SLC15A3: variants seen among roughly 807,000 people sequenced by gnomAD.
SLC15A3 encodes osteoclast transporter.
A neutral mutation model predicts 49.2 loss-of-function variants in SLC15A3; 39 were observed. The ratio of observed to expected loss-of-function variants is 0.79; its 90% CI spans 0.61 to 1.04. The LOEUF is 1.04. Ranked by LOEUF, SLC15A3 falls within the 50% of genes least tolerant of loss-of-function variation. The pLI, the probability that SLC15A3 is intolerant of heterozygous loss-of-function variation, is 0.00. For missense variants in SLC15A3, 758 were observed against 794.8 expected (o/e 0.95, Z 0.56); for synonymous variants, 339 against 367.0 (o/e 0.92, Z 0.87).
rs1590637804 is a variant in SLC15A3, at chr11:60,942,100, T to G, written c.1042A>C (p.Asn348His). 6.2e-7 allele frequency: 1 copy of G among 1,614,078 alleles called. No individual in the cohort carries two copies. Among genetic ancestry groups the G allele is most frequent in the South Asian group, 1.1e-5 (1 of 91,074 alleles). ...VLQGLHLHIP[N>H]IFPANPANIS... is the part of the protein sequence containing the mutation. The stretch of plus-strand genomic sequence containing the variant: ...TTGGCCGGGTTGGCTGGGAAAATGT[T>G]TGGGATGTGGAGGTGAAGACCCTGC... Residue 348 changes from asparagine to histidine, a missense_variant, in exon 4 of 8, where the codon AAC becomes CAC. By Grantham distance (68) the Asn-to-His change is moderately conservative. Transcript: ENST00000227880.
chr11:60,942,192 C>T (rs1313691085), intron 3 of SLC15A3, 47 bp from the exon 4 acceptor site: 5 of 1,513,934 alleles, frequency 3.3e-6, no homozygotes, highest in Non-Finnish European at 4.6e-6. Flanking sequence ...CGGCCATGCC[C>T]CCTCCCAACT....
intron 1 of SLC15A3, 63 bp downstream of exon 1, chr11:60,950,931 G>A: frequency 1.5e-6 from 2 of 1,373,026 alleles, no homozygotes; most frequent in South Asian, 1.6e-5. Context: ...GTCACGCTGG[G>A]GGCCAGCCCT....
Position 60,951,090 on chromosome 11 carries a change from G to T in SLC15A3, c.462C>A (p.Ser154Arg). The T allele has an allele frequency of 1.4e-6, 2 of 1,480,832 alleles. No homozygotes were observed. Among genetic ancestry groups the T allele is most frequent in the South Asian group, 1.3e-5 (1 of 76,762 alleles). 91.7% of individuals were successfully genotyped at this position (1,480,832 alleles called of 1,614,324 possible). A position where few individuals can be genotyped will look rare whatever the true frequency, so the allele number is the denominator to read the frequency against. ...CGTAGAGGACGGGCGCGCAGTAGGG[G>T]CTGGGCGAGGAGCGCGGGCAGCCGG... ...PSAGCPRSSP[S>R]PYCAPVLYAG... The change falls in exon 1 of 8, where the codon AGC (serine) becomes AGA (arginine). Residue 154 changes from serine (S) to arginine (R), a missense_variant. By Grantham distance (110) the Ser-to-Arg change is moderately radical. This residue lies in a region of SLC15A3 where 699 missense variants were observed against 706.7 expected (regional missense o/e 0.99). Coordinates refer to ENST00000227880, the MANE Select transcript of SLC15A3 (RefSeq NM_016582.3).
At chr11:60,938,149 C>T in intron 6 of SLC15A3, 124 bp from the exon 7 acceptor site, 3 of 1,208,290 alleles carry the variant, frequency 2.5e-6, no homozygotes, top group South Asian at 1.6e-5. Context: ...CCCTGGATGC[C>T]TGTCCACTCA....
At chr11:60,939,784 G>C (rs574399210) in intron 5 of SLC15A3, 146 bp from the exon 6 acceptor site, 2 of 916,492 alleles carry the variant, frequency 2.2e-6, no homozygotes, top group Non-Finnish European at 3.2e-6. Flanking sequence ...GGACTGGGGG[G>C]TGGAGGAGGG....
intron 2 of SLC15A3, 134 bp downstream of exon 2, chr11:60,946,398 T>C: frequency 9.5e-7 from 1 of 1,047,570 alleles, no homozygotes; most frequent in Non-Finnish European, 1.3e-6. Context: ...TCTGGCCCAC[T>C]GGAGAGCAGA....
In SLC15A3 at chr11:60,952,057, C is replaced by A. The variant is rs779477274; in HGVS notation, c.-506G>T. 6.6e-6 allele frequency among the ~76,000 whole-genome samples: 1 copy of A among 151,822 alleles called. No individual in the cohort carries two copies. The highest frequency in any genetic ancestry group is 1.5e-5 in the Non-Finnish European group (1 of 67,932). On this transcript the variant is annotated 5_prime_UTR_variant, in exon 1 of 8. Transcript: ENST00000227880. ...CCCCAGTCACCCTGCTGCCCCTTGC[C>A]GTCTTCTCCACCTCCTCCCTGTCCC...
chr11:60,937,555 A>G, intron 7 of SLC15A3, 182 bp from the exon 8 acceptor site: 2 of 816,508 alleles, frequency 2.4e-6, no homozygotes, highest in South Asian at 1.5e-5. Context: ...GGTGTCTACA[A>G]TTCCTCTTCA....
chr11:60,947,548 TG>T (rs1161798213), intron 1 of SLC15A3, among the ~76,000 whole-genome samples: 2 of 152,164 alleles, frequency 1.3e-5, no homozygotes, highest in African/African-American at 2.4e-5. Context: ...TTAAAAATGT[TG>T]TATGCATGTT....
chr11:60,945,852 C>T (rs547948695), intron 2 of SLC15A3, among the ~76,000 whole-genome samples: 1 of 152,262 alleles, frequency 6.6e-6, no homozygotes, highest in African/African-American at 2.4e-5. Flanking sequence ...TTGGAAACAT[C>T]ATCCCCATCA....
In SLC15A3 at chr11:60,937,924, G is replaced by A; in HGVS notation, c.1537C>T (p.Leu513=). Residue 513 remains leucine (L), a synonymous_variant, in exon 7 of 8, where the codon CTA becomes TTA. Transcript: ENST00000227880. ...SGVGSLLGSS[L]VALLSLPGGW... ...CCGGGCAAGGACAGCAGTGCCACTA[G>A]GCTGGAGCCCAACAGTGAGCCCACC... 1.2e-6 allele frequency: 2 copies of A among 1,614,202 alleles called. No individual in the cohort carries two copies. Among genetic ancestry groups the A allele is most frequent in the East Asian group, 2.2e-5 (1 of 44,888 alleles).
chr11:60,951,523 G>A lies in SLC15A3; in HGVS notation c.29C>T (p.Pro10Leu). 8.4e-7 allele frequency: 1 copy of A among 1,184,056 alleles called. No homozygotes were observed. The highest frequency in any genetic ancestry group is 1.0e-6 in the Non-Finnish European group (1 of 954,976). The allele number at this position is 1,184,056 out of a possible 1,614,324, so 73.3% of individuals were successfully genotyped here. Residue 10 changes from proline to leucine, a missense_variant, in exon 1 of 8, where the codon CCC (proline) becomes CTC (leucine). By Grantham distance (98) the Pro-to-Leu change is moderately conservative. Coordinates refer to ENST00000227880, the MANE Select transcript of SLC15A3 (RefSeq NM_016582.3). The stretch of plus-strand genomic sequence containing the variant: ...CGGCTGGCGCTCCCCGGGCACGCGG[G>A]GCTGCTCCCGGGCGCGCGGCGCGGG... The part of the protein sequence containing the change: MPAPRAREQ[P>L]RVPGERQPLL...
chr11:60,948,654 T>C (rs1856841076), intron 1 of SLC15A3, among the ~76,000 whole-genome samples: 1 of 152,242 alleles, frequency 6.6e-6, no homozygotes, highest in Non-Finnish European at 1.5e-5. Flanking sequence ...AATCCAGTGA[T>C]GTCCATTCCT....
chr11:60,944,708 G>C (rs1856776633), intron 2 of SLC15A3, among the ~76,000 whole-genome samples: 1 of 152,074 alleles, frequency 6.6e-6, no homozygotes, highest in Non-Finnish European at 1.5e-5. Context: ...CCCCCTTGCT[G>C]TCTCAAGTCC....
At chr11:60,937,398 G>T in intron 7 of SLC15A3, 25 bp from the exon 8 acceptor site, 1 of 1,613,730 alleles carries the variant, frequency 6.2e-7, no homozygotes, top group Non-Finnish European at 8.5e-7. Flanking sequence ...GGTTAGATTT[G>T]GGTCAGGACA....
At chr11:60,949,310 G>A (rs750014123) in intron 1 of SLC15A3, among the ~76,000 whole-genome samples, 23 of 151,264 alleles carry the variant, frequency 1.5e-4, no homozygotes, top group Non-Finnish European at 2.1e-4. Flanking sequence ...GCACTCCAGC[G>A]TAGGCAACAG....
At chr11:60,950,958 G>C in intron 1 of SLC15A3, 36 bp downstream of exon 1, 1 of 1,402,382 alleles carries the variant, frequency 7.1e-7, no homozygotes. Context: ...CTCCACACCC[G>C]CCGGAGTATG....
intron 4 of SLC15A3, 50 bp from the exon 5 acceptor site, chr11:60,941,340 T>C (rs755666415): frequency 5.1e-6 from 8 of 1,564,416 alleles, no homozygotes; most frequent in Non-Finnish European, 5.2e-6. Context: ...GCAAGGAGCC[T>C]GGCTGCAGTC....
At chr11:60,941,448 G>C (rs535824060) in intron 4 of SLC15A3, 158 bp from the exon 5 acceptor site, 1 of 664,960 alleles carries the variant, frequency 1.5e-6, no homozygotes, top group East Asian at 3.0e-5. Flanking sequence ...CCAGGGAGTG[G>C]GATTATGTAG....
Sources: gnomAD v4.1 joint callset for allele counts (sites outside exome capture counted in the v4.1 genomes callset) on GRCh38, gnomAD v4.1.1 for gene constraint, gnomAD v4.1.1 regional missense constraint, MANE v1.5 for transcripts, NCBI Gene and HGNC (gene_info 2026-07-23, HGNC 2026-07-21) for gene names.